Variants in NAALADL2 observed in about 807,000 individuals in gnomAD.
NAALADL2 encodes inactive N-acetylated-alpha-linked acidic dipeptidase-like protein 2.
A neutral mutation model predicts 87.2 loss-of-function variants in NAALADL2; 76 were observed. The observed-to-expected ratio is 0.87, with a 90% CI of 0.72 to 1.05. The LOEUF (loss-of-function observed/expected upper bound fraction) is 1.05, where lower values mean the gene tolerates loss of function less well. NAALADL2 is among the 50% of genes least tolerant of loss of function. The pLI, the probability that NAALADL2 is intolerant of heterozygous loss-of-function variation, is 0.00. For synonymous variants in NAALADL2, 354 were observed against 331.0 expected (o/e 1.07, Z -0.75); for missense variants, 1,089 against 945.8 (o/e 1.15, Z -1.99).
chr3:174,916,454 G>T (rs554608618), intron 1 of NAALADL2, among the ~76,000 whole-genome samples: 45 of 152,122 alleles, frequency 3.0e-4, no homozygotes, highest in Non-Finnish European at 6.2e-4. Context: ...TGCAAAGATA[G>T]GGAACCAATC....
chr3:175,258,260 A>G (rs1161463063), intron 4 of NAALADL2, among the ~76,000 whole-genome samples: 1 of 149,146 alleles, frequency 6.7e-6, no homozygotes, highest in Non-Finnish European at 1.5e-5. Context: ...ATGAGCCGAG[A>G]TCACGCCACT....
intron 4 of NAALADL2, among the ~76,000 whole-genome samples, chr3:175,298,568 C>T (rs892337119): frequency 2.6e-5 from 4 of 151,974 alleles, no homozygotes; most frequent in Non-Finnish European, 4.4e-5. Context: ...TCTAAAAATC[C>T]ATCAAATTTT....
chr3:175,437,915 T>G (rs1466349818), intron 5 of NAALADL2, among the ~76,000 whole-genome samples: 1 of 152,126 alleles, frequency 6.6e-6, no homozygotes, highest in Non-Finnish European at 1.5e-5. Flanking sequence ...GACACATTAG[T>G]TAAGTATTAA....
chr3:174,597,300 T>C (rs1350112947), intron 2 of NAALADL2, among the ~76,000 whole-genome samples: 1 of 152,180 alleles, frequency 6.6e-6, no homozygotes, highest in Non-Finnish European at 1.5e-5. Flanking sequence ...GTTGTCATTG[T>C]AGGATGATCA....
At chr3:175,636,764 C>T (rs1269796912) in intron 11 of NAALADL2, among the ~76,000 whole-genome samples, 1 of 150,252 alleles carries the variant, frequency 6.7e-6, no homozygotes, top group East Asian at 1.9e-4. Context: ...AGAAACCCCA[C>T]TAATGTGAGG....
intron 4 of NAALADL2, among the ~76,000 whole-genome samples, chr3:175,323,830 A>T (rs1014222963): frequency 6.7e-6 from 1 of 148,732 alleles, no homozygotes; most frequent in Non-Finnish European, 1.5e-5. Flanking sequence ...ATCCTGGCTG[A>T]CACGGTGAAA....
intron 5 of NAALADL2, among the ~76,000 whole-genome samples, chr3:175,446,505 G>T (rs941783706): frequency 6.6e-6 from 1 of 152,238 alleles, no homozygotes; most frequent in African/African-American, 2.4e-5. Context: ...GCCTCCCAAA[G>T]TACTGGGATT....
At chr3:174,766,351 G>T (rs1220358755) in intron 3 of NAALADL2, among the ~76,000 whole-genome samples, 2 of 152,158 alleles carry the variant, frequency 1.3e-5, no homozygotes, top group Admixed American at 6.5e-5. Flanking sequence ...TGGCATTTTT[G>T]ATCTTCACCT....
intron 1 of NAALADL2, among the ~76,000 whole-genome samples, chr3:175,089,001 C>T (rs1719582661): frequency 6.7e-6 from 1 of 150,324 alleles, no homozygotes; most frequent in Non-Finnish European, 1.5e-5. Context: ...AGTTGCTTTG[C>T]TCTTTGTCCC....
rs542773272 is a variant in NAALADL2 at position 175,042,134 on chromosome 3, CT to C, written c.44-54649del. Among the ~76,000 whole-genome samples the C allele has an allele frequency of 2.6e-3, 396 of 152,226 alleles. 1 individual carries two copies. Among genetic ancestry groups the C allele is most frequent in the African/African-American group, 8.8e-3 (365 of 41,554 alleles). ...TTTTATCCTTTGCTTCTGATTTAGACTTTTTTTAGATTCCACATATGTGCGA... is the reference window on the plus strand; with the variant it reads ...TTTTATCCTTTGCTTCTGATTTAGACTTTTTTAGATTCCACATATGTGCGA... On this transcript the variant is annotated intron_variant, in intron 1 of 13. Coordinates refer to ENST00000454872, the MANE Select transcript of NAALADL2 (RefSeq NM_207015.3).
chr3:175,610,283 T>C (rs769200085), intron 10 of NAALADL2, among the ~76,000 whole-genome samples: 1 of 152,184 alleles, frequency 6.6e-6, no homozygotes, highest in Non-Finnish European at 1.5e-5. Context: ...TAATGGCATT[T>C]ATCTACATTT....
intron 11 of NAALADL2, among the ~76,000 whole-genome samples, chr3:175,724,388 C>T (rs533480065): frequency 1.6e-4 from 24 of 152,182 alleles, no homozygotes; most frequent in African/African-American, 5.8e-4. Flanking sequence ...TATTTACATA[C>T]ATGTATTTTT....
At chr3:175,209,992 A>G (rs1741525828) in intron 2 of NAALADL2, among the ~76,000 whole-genome samples, 3 of 152,014 alleles carry the variant, frequency 2.0e-5, no homozygotes, top group Admixed American at 6.6e-5. Context: ...ATAGTAGCAT[A>G]CTAAATTCCA....
Position 175,539,916 on chromosome 3 carries a change from G to A in NAALADL2, c.1654-36125G>A, listed in dbSNP as rs190423271. 8.0e-4 allele frequency among the ~76,000 whole-genome samples: 122 copies of A among 152,252 alleles called. 1 individual carries two copies. Among genetic ancestry groups the A allele is most frequent in the Admixed American group, 3.1e-3 (48 of 15,290 alleles). Reference sequence around the variant, plus strand: ...CATCCATGTGCAGGTATTGCCTTGAGTAAACAGTGAAGTTAATTTGCTTGC... The same window carrying A: ...CATCCATGTGCAGGTATTGCCTTGAATAAACAGTGAAGTTAATTTGCTTGC... On this transcript the variant is annotated intron_variant, in intron 9 of 13. Coordinates refer to ENST00000454872, the MANE Select transcript of NAALADL2 (RefSeq NM_207015.3).
At chr3:175,366,685 C>T (rs62287966) in intron 5 of NAALADL2, among the ~76,000 whole-genome samples, 31,342 of 147,762 alleles carry the variant, frequency 0.21, 3,927 homozygotes, top group East Asian at 0.38. Flanking sequence ...TCATATCCTT[C>T]GCCCACTTTT....
chr3:175,527,131 G>A (rs967946698), intron 9 of NAALADL2, among the ~76,000 whole-genome samples: 3 of 152,146 alleles, frequency 2.0e-5, no homozygotes, highest in African/African-American at 7.2e-5. Context: ...AAAGGGACCT[G>A]CCACAACCAA....
intron 11 of NAALADL2, among the ~76,000 whole-genome samples, chr3:175,664,034 T>G (rs1732632434): frequency 1.3e-5 from 2 of 151,996 alleles, no homozygotes; most frequent in African/African-American, 2.4e-5. Context: ...GAGGTATATA[T>G]TTCACTGGGC....
At chr3:175,781,734 A>G (rs1421714826) in intron 13 of NAALADL2, among the ~76,000 whole-genome samples, 6 of 150,844 alleles carry the variant, frequency 4.0e-5, no homozygotes, top group East Asian at 3.9e-4. Context: ...ATTATACTTT[A>G]AGTTTTAGGG....
chr3:175,717,240 T>C (rs555815187), intron 11 of NAALADL2, among the ~76,000 whole-genome samples: 1 of 152,258 alleles, frequency 6.6e-6, no homozygotes, highest in South Asian at 2.1e-4. Context: ...GCAGCCACAT[T>C]ATCCTTTTGA....
Sources: gnomAD v4.1 joint callset for allele counts (sites outside exome capture counted in the v4.1 genomes callset) on GRCh38, gnomAD v4.1.1 for gene constraint, MANE v1.5 for transcripts, NCBI Gene and HGNC (gene_info 2026-07-23, HGNC 2026-07-21) for gene names.